The following SCLT1 variants were observed in gnomAD, a reference collection of about 807,000 sequenced individuals.
SCLT1 encodes sodium channel and clathrin linker 1, also known as sodium channel-associated protein 1.
In SCLT1, 78 loss-of-function variants were observed where a neutral mutation model predicts 112.8. The ratio of observed to expected loss-of-function variants is 0.69; its 90% CI spans 0.58 to 0.83. SCLT1 has a LOEUF of 0.83. Ranked by LOEUF, SCLT1 falls within the 40% of genes least tolerant of loss-of-function variation. SCLT1 has a pLI of 0.00. For synonymous variants in SCLT1, 257 were observed against 254.7 expected (o/e 1.01, Z -0.09); for missense variants, 747 against 770.4 (o/e 0.97, Z 0.36).
At chr4:129,007,789 T>G (rs1217064918) in intron 5 of SCLT1, among the ~76,000 whole-genome samples, 1 of 152,146 alleles carries the variant, frequency 6.6e-6, no homozygotes, top group East Asian at 1.9e-4. Context: ...GTCTTGACTT[T>G]AAAAAAACAA....
chr4:128,931,630 T>A (rs1177945285), intron 18 of SCLT1, among the ~76,000 whole-genome samples: 1 of 152,042 alleles, frequency 6.6e-6, no homozygotes, highest in Non-Finnish European at 1.5e-5. Context: ...GCCCGGCTAA[T>A]TTTTTGTATT....
intron 18 of SCLT1, among the ~76,000 whole-genome samples, chr4:128,895,752 G>A (rs1440596072): frequency 6.6e-6 from 1 of 152,214 alleles, no homozygotes; most frequent in African/African-American, 2.4e-5. Flanking sequence ...GCCTCACCTG[G>A]GAAGTGCAAG....
chr4:128,889,575 A>G (rs1361849843), intron 19 of SCLT1, among the ~76,000 whole-genome samples: 3 of 152,192 alleles, frequency 2.0e-5, no homozygotes, highest in African/African-American at 7.2e-5. Context: ...TGTTTAAGCC[A>G]CCCAGTTTCT....
intron 5 of SCLT1, among the ~76,000 whole-genome samples, chr4:129,033,309 G>A (rs963573301): frequency 1.3e-5 from 2 of 151,608 alleles, no homozygotes; most frequent in Admixed American, 6.6e-5. Context: ...CATGGACACA[G>A]GGAGGGGAAC....
intron 4 of SCLT1, among the ~76,000 whole-genome samples, chr4:129,043,055 G>A (rs145864243): frequency 0.011 from 1,738 of 152,034 alleles, 14 homozygotes; most frequent in Non-Finnish European, 0.019. Context: ...CCTGGCGACA[G>A]AGTGAGATTC....
chr4:128,947,419 T>C (rs543378608), intron 15 of SCLT1, among the ~76,000 whole-genome samples: 1 of 152,172 alleles, frequency 6.6e-6, no homozygotes, highest in African/African-American at 2.4e-5. Context: ...TTTTCACAAA[T>C]GGAATTGTAC....
At position 128,884,393 on chromosome 4, in the gene SCLT1, C is replaced by A; in HGVS notation, c.*84G>T. The A allele has an allele frequency of 1.2e-6, 1 of 804,736 alleles. No homozygotes were observed. The highest frequency in any genetic ancestry group is 2.1e-6 in the Non-Finnish European group (1 of 468,466). 49.8% of individuals were successfully genotyped at this position (804,736 alleles called of 1,614,324 possible). On this transcript the variant is annotated 3_prime_UTR_variant, in exon 21 of 21. Coordinates refer to ENST00000281142, the MANE Select transcript of SCLT1 (RefSeq NM_144643.4). ...AATAACACAAGCCTTAACTATTATA[C>A]TTTGCAGGCTTTACCATTTCAATAC...
intron 5 of SCLT1, among the ~76,000 whole-genome samples, chr4:129,023,306 T>C (rs1745666172): frequency 6.6e-6 from 1 of 152,180 alleles, no homozygotes; most frequent in Non-Finnish European, 1.5e-5. Flanking sequence ...ATATTAACCT[T>C]AAATGTAAAT....
chr4:129,082,450 TTG>T, intron 1 of SCLT1, 77 bp from the exon 2 acceptor site: 1 of 843,372 alleles, frequency 1.2e-6, no homozygotes, highest in Non-Finnish European at 1.9e-6. Context: ...CAGTAATTAT[TTG>T]ATGTATCCCA....
intron 5 of SCLT1, among the ~76,000 whole-genome samples, chr4:129,026,291 T>A (rs1746069093): frequency 6.6e-6 from 1 of 152,128 alleles, no homozygotes; most frequent in Non-Finnish European, 1.5e-5. Flanking sequence ...ATTGACCACA[T>A]ACTGGGAAGT....
chr4:129,026,488 T>C (rs913515404), intron 5 of SCLT1, among the ~76,000 whole-genome samples: 1 of 152,046 alleles, frequency 6.6e-6, no homozygotes, highest in African/African-American at 2.4e-5. Flanking sequence ...AATAAAGATG[T>C]TCTTTGAAAC....
At chr4:128,997,143 A>G (rs1743081799) in intron 8 of SCLT1, 1 of 151,998 alleles carries the variant, frequency 6.6e-6, no homozygotes, top group South Asian at 2.1e-4. Flanking sequence ...GATTGGTTTA[A>G]TAATTTTTTA....
intron 5 of SCLT1, among the ~76,000 whole-genome samples, chr4:129,023,098 AG>A (rs1745643198): frequency 1.3e-5 from 2 of 152,244 alleles, no homozygotes; most frequent in Admixed American, 6.5e-5. Context: ...GCAAATGCTG[AG>A]GTATTTTGTC....
chr4:128,936,462 A>T lies in SCLT1; in HGVS notation c.1829+193T>A, dbSNP rs1315410867. ...ATTACATTTTCTGAAACATGCATGAAATTTGTAAAAAATATAATATTTGCT... is the reference window on the plus strand; with the variant it reads ...ATTACATTTTCTGAAACATGCATGATATTTGTAAAAAATATAATATTTGCT... On this transcript the variant is annotated intron_variant, in intron 18 of 20. Transcript: ENST00000281142. 5.3e-5 allele frequency among the ~76,000 whole-genome samples: 8 copies of T among 152,318 alleles called. No individual in the cohort carries two copies. In the East Asian group the frequency reaches 1.5e-3, roughly 29 times the overall value.
At chr4:128,931,386 T>C (rs1736749953) in intron 18 of SCLT1, among the ~76,000 whole-genome samples, 1 of 152,206 alleles carries the variant, frequency 6.6e-6, no homozygotes, top group South Asian at 2.1e-4. Context: ...CTATCTTTTA[T>C]TGTCGAGATT....
At chr4:129,027,430 T>A (rs1746216875) in intron 5 of SCLT1, among the ~76,000 whole-genome samples, 1 of 151,982 alleles carries the variant, frequency 6.6e-6, no homozygotes, top group Non-Finnish European at 1.5e-5. Flanking sequence ...AAAAACCACA[T>A]GATTATGTCA....
At chr4:128,893,167 AC>A (rs1453730250) in intron 18 of SCLT1, among the ~76,000 whole-genome samples, 3 of 140,990 alleles carry the variant, frequency 2.1e-5, no homozygotes, top group Non-Finnish European at 4.6e-5. Context: ...TCAGGAAAAC[AC>A]CTACTGGTAT....
At chr4:128,979,859 A>G (rs1741496683) in intron 9 of SCLT1, among the ~76,000 whole-genome samples, 1 of 152,254 alleles carries the variant, frequency 6.6e-6, no homozygotes, top group Non-Finnish European at 1.5e-5. Flanking sequence ...AAGAAATGTT[A>G]ATACTAATTA....
At chr4:129,084,674 C>T (rs1168586868) in intron 1 of SCLT1, among the ~76,000 whole-genome samples, 1 of 152,094 alleles carries the variant, frequency 6.6e-6, no homozygotes, top group Non-Finnish European at 1.5e-5. Context: ...AAAAAACAGA[C>T]ACATAGGCCA....
Sources: allele counts gnomAD v4.1 joint callset (sites outside exome capture counted in the v4.1 genomes callset), GRCh38; gene constraint gnomAD v4.1.1; transcripts MANE v1.5; gene names NCBI Gene and HGNC (gene_info 2026-07-23, HGNC 2026-07-21).